The following FAM180A variants were observed in gnomAD, a reference collection of about 807,000 sequenced individuals.
FAM180A encodes family with sequence similarity 180 member A.
A neutral mutation model predicts 15.3 loss-of-function variants in FAM180A; 14 were observed. The ratio of observed to expected loss-of-function variants is 0.92; its 90% CI spans 0.61 to 1.43. The LOEUF is 1.43. Ranked by LOEUF, FAM180A falls within the 40% of genes most tolerant of loss-of-function variation. The pLI is 0.00. For missense variants in FAM180A, 200 were observed against 220.8 expected (o/e 0.91, Z 0.60); for synonymous variants, 90 against 96.8 (o/e 0.93, Z 0.41).
At chr7:135,733,454 C>T in intron 3 of FAM180A, 192 bp downstream of exon 3, 1 of 164,070 alleles carries the variant, frequency 6.1e-6, no homozygotes, top group Non-Finnish European at 1.3e-5. Context: ...TCAGCTGGTT[C>T]TCCTGCCTCA....
intron 1 of FAM180A, among the ~76,000 whole-genome samples, chr7:135,738,344 C>T (rs1473966160): frequency 6.6e-6 from 1 of 152,168 alleles, no homozygotes; most frequent in African/African-American, 2.4e-5. Context: ...CAGATGTGTG[C>T]CACCACGCTC....
At chr7:135,730,851 C>G (rs1185750265) in intron 3 of FAM180A, among the ~76,000 whole-genome samples, 1 of 152,138 alleles carries the variant, frequency 6.6e-6, no homozygotes, top group Non-Finnish European at 1.5e-5. Flanking sequence ...TGTCATAAAA[C>G]TCTCTGTGGG....
intron 3 of FAM180A, among the ~76,000 whole-genome samples, chr7:135,731,504 C>T (rs1796781544): frequency 6.6e-6 from 1 of 151,382 alleles, no homozygotes; most frequent in Non-Finnish European, 1.5e-5. Flanking sequence ...TGGAATTGGG[C>T]CCAAATATAC....
At chr7:135,737,616 A>AG (rs1320131025) in intron 1 of FAM180A, among the ~76,000 whole-genome samples, 6 of 151,080 alleles carry the variant, frequency 4.0e-5, no homozygotes, top group African/African-American at 1.5e-4. Flanking sequence ...AAAGAAAGAA[A>AG]AAAAAAAGGA....
chr7:135,737,586 C>CAAAAA (rs35378393), intron 1 of FAM180A, among the ~76,000 whole-genome samples: 12 of 82,312 alleles, frequency 1.5e-4, no homozygotes, highest in East Asian at 3.9e-4. Flanking sequence ...GACTCCATGT[C>CAAAAA]AAAAAAAAAA....
chr7:135,736,438 G>T (rs1019994416), intron 2 of FAM180A, among the ~76,000 whole-genome samples: 2 of 152,252 alleles, frequency 1.3e-5, no homozygotes, highest in Admixed American at 1.3e-4. Flanking sequence ...CAGTTGAGGA[G>T]AGTCAGGCCC....
Position 135,748,582 on chromosome 7 carries a change from T to G in FAM180A, c.-2A>C. ...AAGCAGCAACATCTTCCAATGCATC[T>G]TGTCCTTCAAAAGGTGAAAAATCGA... On this transcript the variant is annotated 5_prime_UTR_variant, in exon 1 of 4. Transcript: ENST00000338588. The G allele has an allele frequency of 6.2e-7, 1 of 1,613,802 alleles. No homozygotes were observed. Among genetic ancestry groups the G allele is most frequent in the East Asian group, 2.2e-5 (1 of 44,874 alleles).
chr7:135,741,961 G>T (rs1796956910), intron 1 of FAM180A, among the ~76,000 whole-genome samples: 1 of 152,198 alleles, frequency 6.6e-6, no homozygotes, highest in Non-Finnish European at 1.5e-5. Flanking sequence ...GTATGTGTGG[G>T]AAGCACAGGA....
At position 135,737,161 on chromosome 7, in the gene FAM180A, AG is replaced by A. The variant is rs1342910524; in HGVS notation, c.114del (p.Ser39HisfsTer5). ...LFPAAHRPKR[S>X]SSLPLNPVLQ... ...AGGACTGGGTTCAATGGCAGTGATG[AG>A]GACCTCTTTGGCCGGTGGGCGGCAG... On this transcript the variant is annotated frameshift_variant, in exon 2 of 4. Coordinates refer to ENST00000338588, the MANE Select transcript of FAM180A (RefSeq NM_205855.4). LOFTEE classifies it high-confidence loss of function. 8 of 1,610,656 alleles carry A rather than the reference AG, an allele frequency of 5.0e-6. No homozygotes were observed. Among genetic ancestry groups the A allele is most frequent in the Non-Finnish European group, 6.8e-6 (8 of 1,179,028 alleles).
At chr7:135,747,007 C>T (rs751364590) in intron 1 of FAM180A, among the ~76,000 whole-genome samples, 10 of 152,084 alleles carry the variant, frequency 6.6e-5, no homozygotes, top group Admixed American at 3.3e-4. Flanking sequence ...GACTGAGGCA[C>T]GAGAATCGCT....
chr7:135,740,659 T>A (rs1796932447), intron 1 of FAM180A, among the ~76,000 whole-genome samples: 1 of 152,250 alleles, frequency 6.6e-6, no homozygotes, highest in East Asian at 1.9e-4. Context: ...GCCTATCTGA[T>A]GGGGCCTTAC....
At chr7:135,740,699 T>C (rs73454459) in intron 1 of FAM180A, among the ~76,000 whole-genome samples, 1,738 of 152,268 alleles carry the variant, frequency 0.011, 31 homozygotes, top group African/African-American at 0.039. Context: ...AAGGTCATCA[T>C]GTTCTTGGAG....
At chr7:135,744,630 T>C (rs1310334823) in intron 1 of FAM180A, among the ~76,000 whole-genome samples, 1 of 151,982 alleles carries the variant, frequency 6.6e-6, no homozygotes. Context: ...GGGGGGAGCT[T>C]GGGGCTGCCG....
At chr7:135,732,236 C>A (rs1415233686) in intron 3 of FAM180A, among the ~76,000 whole-genome samples, 1 of 152,140 alleles carries the variant, frequency 6.6e-6, no homozygotes, top group Non-Finnish European at 1.5e-5. Flanking sequence ...GAACTGAACA[C>A]AGAATGAGCA....
At chr7:135,733,285 C>A (rs2129495902) in intron 3 of FAM180A, among the ~76,000 whole-genome samples, 1 of 152,334 alleles carries the variant, frequency 6.6e-6, no homozygotes, top group South Asian at 2.1e-4. Context: ...CCGAAGGAAT[C>A]TGTCCCCCAT....
At position 135,748,618 on chromosome 7, in the gene FAM180A, C is replaced by T; in HGVS notation, c.-38G>A. 6.6e-7 allele frequency: 1 copy of T among 1,515,404 alleles called. No homozygotes were observed. Among genetic ancestry groups the T allele is most frequent in the Non-Finnish European group, 9.2e-7 (1 of 1,090,142 alleles). The allele number at this position is 1,515,404 out of a possible 1,614,324, so 93.9% of individuals were successfully genotyped here. ...AAGGTGAAAAATCGACCCTCAAGCC[C>T]AGTGGAACCCCAGTAGCTGCAGGTA... is the stretch of plus-strand genomic sequence containing the variant. On this transcript the variant is annotated 5_prime_UTR_variant, in exon 1 of 4. Transcript: ENST00000338588.
intron 1 of FAM180A, among the ~76,000 whole-genome samples, chr7:135,742,147 G>A (rs992629025): frequency 2.0e-5 from 3 of 152,148 alleles, no homozygotes; most frequent in Non-Finnish European, 2.9e-5. Flanking sequence ...TCAGTGGCTC[G>A]GCAGCCACCC....
rs1476060435 is a variant in FAM180A at position 135,748,677 on chromosome 7, G to A, written c.-97C>T. ...CCGTTCTTCCCAGTGAGATGATGGA[G>A]TGCTTCCCTCCCTTCCTTTTGCAGA... is the stretch of plus-strand genomic sequence containing the variant. On this transcript the variant is annotated 5_prime_UTR_variant, in exon 1 of 4. Transcript: ENST00000338588. The A allele has an allele frequency of 2.1e-6, 2 of 930,428 alleles. No homozygotes were observed. Among genetic ancestry groups the A allele is most frequent in the Non-Finnish European group, 3.5e-6 (2 of 564,968 alleles). The allele number at this position is 930,428 out of a possible 1,614,324, so 57.6% of individuals were successfully genotyped here.
At chr7:135,742,377 C>T (rs1796963305) in intron 1 of FAM180A, among the ~76,000 whole-genome samples, 1 of 152,180 alleles carries the variant, frequency 6.6e-6, no homozygotes, top group Non-Finnish European at 1.5e-5. Flanking sequence ...TGGCAAACTC[C>T]AAGATGTATA....
Sources: allele counts gnomAD v4.1 joint callset (sites outside exome capture counted in the v4.1 genomes callset), GRCh38; gene constraint gnomAD v4.1.1; transcripts MANE v1.5; gene names NCBI Gene and HGNC (gene_info 2026-07-23, HGNC 2026-07-21).